The following VAC14 variants were observed in gnomAD, a reference collection of about 807,000 sequenced individuals.
The protein encoded by VAC14 is VAC14 component of PIKFYVE complex.
VAC14 carries 47 observed loss-of-function variants against 85.3 expected under a neutral mutation model. That is an observed-to-expected ratio of 0.55 (90% CI 0.44 to 0.70). VAC14 has a LOEUF of 0.70. Ranked by LOEUF, VAC14 falls within the 30% of genes least tolerant of loss-of-function variation. The pLI is 0.00. For synonymous variants in VAC14, 447 were observed against 430.5 expected (o/e 1.04, Z -0.47); for missense variants, 861 against 1,004.3 (o/e 0.86, Z 1.93).
intron 1 of VAC14, among the ~76,000 whole-genome samples, chr16:70,795,366 C>T (rs528565095): frequency 2.0e-5 from 3 of 151,686 alleles, no homozygotes; most frequent in African/African-American, 7.3e-5. Context: ...TTGTGGTGGG[C>T]GCCTGTAGTC....
intron 12 of VAC14, among the ~76,000 whole-genome samples, chr16:70,755,757 T>C (rs1488648654): frequency 2.0e-5 from 3 of 152,196 alleles, no homozygotes; most frequent in African/African-American, 4.8e-5. Flanking sequence ...GGGGCCGTCA[T>C]TGGCTCTCTA....
At chr16:70,742,338 C>A (rs1218907756) in intron 13 of VAC14, among the ~76,000 whole-genome samples, 9 of 151,942 alleles carry the variant, frequency 5.9e-5, no homozygotes, top group Admixed American at 4.6e-4. Context: ...CCCCACCCGA[C>A]CCTCCCTTCC....
chr16:70,710,783 G>A lies in VAC14; in HGVS notation c.1662-11972C>T, dbSNP rs185963111. On this transcript the variant is annotated intron_variant, in intron 14 of 18. Coordinates refer to ENST00000261776, the MANE Select transcript of VAC14 (RefSeq NM_018052.5). ...CCAACTTGGGTCCAGCAGCCCCAGTGTTCATATGGCCATAGCCCCGTGTCA... is the reference window on the plus strand; with the variant it reads ...CCAACTTGGGTCCAGCAGCCCCAGTATTCATATGGCCATAGCCCCGTGTCA... Among the ~76,000 whole-genome samples, 3 of 152,352 alleles carry A rather than the reference G, an allele frequency of 2.0e-5. No individual in the cohort carries two copies. The East Asian group carries it at 5.8e-4, about 29-fold the overall frequency.
intron 5 of VAC14, among the ~76,000 whole-genome samples, chr16:70,783,876 T>C (rs1387608836): frequency 6.6e-6 from 1 of 152,200 alleles, no homozygotes; most frequent in Non-Finnish European, 1.5e-5. Flanking sequence ...AGGTGTTTTC[T>C]GGGACAAGGA....
chr16:70,719,639 C>T (rs1406302888), intron 14 of VAC14, among the ~76,000 whole-genome samples: 1 of 152,162 alleles, frequency 6.6e-6, no homozygotes, highest in Non-Finnish European at 1.5e-5. Context: ...CTTCATTAGT[C>T]TTTAGGGAAA....
chr16:70,772,289 C>G, intron 9 of VAC14, 117 bp from the exon 10 acceptor site: 3 of 843,904 alleles, frequency 3.6e-6, no homozygotes, highest in Non-Finnish European at 5.8e-6. Flanking sequence ...GATTCAGGCT[C>G]TTCAAAAGGA....
chr16:70,771,964 A>G (rs1161740615), intron 10 of VAC14, 145 bp downstream of exon 10: 8 of 705,016 alleles, frequency 1.1e-5, no homozygotes, highest in East Asian at 2.7e-5. Flanking sequence ...TCCTTCATCA[A>G]TTAACTCTTT....
intron 14 of VAC14, among the ~76,000 whole-genome samples, chr16:70,727,102 C>T (rs1445132375): frequency 6.6e-6 from 1 of 152,208 alleles, no homozygotes; most frequent in Admixed American, 6.5e-5. Flanking sequence ...CTATAGCAGC[C>T]GCTCCAGGTC....
chr16:70,780,289 C>A lies in VAC14; in HGVS notation c.1096+501G>T, dbSNP rs532800191. The stretch of plus-strand genomic sequence containing the variant: ...GAGAATTTTCAAGTACAGAATAAAT[C>A]GAAGCTAGAGCTTTCTTAACCCTCC... On this transcript the variant is annotated intron_variant, in intron 9 of 18. Coordinates refer to ENST00000261776, the MANE Select transcript of VAC14 (RefSeq NM_018052.5). Among the ~76,000 whole-genome samples, 157 of 152,166 alleles carry A rather than the reference C, an allele frequency of 1.0e-3. 1 individual carries two copies. The highest frequency in any genetic ancestry group is 3.6e-3 in the African/African-American group (150 of 41,516).
chr16:70,792,445 G>A (rs2034381053), intron 1 of VAC14, among the ~76,000 whole-genome samples: 1 of 152,192 alleles, frequency 6.6e-6, no homozygotes, highest in African/African-American at 2.4e-5. Context: ...ACCAGAGCAG[G>A]GATCCACTTC....
intron 12 of VAC14, chr16:70,761,024 G>GTGTGTGTGCGC (rs1567577775): frequency 1.0e-5 from 2 of 197,510 alleles, no homozygotes; most frequent in Non-Finnish European, 1.9e-5. Flanking sequence ...TGTGTGCATG[G>GTGTGTGTGCGC]GGGGGCGGGG....
At chr16:70,693,606 G>A (rs750416292) in intron 17 of VAC14, among the ~76,000 whole-genome samples, 5 of 152,198 alleles carry the variant, frequency 3.3e-5, no homozygotes, top group Non-Finnish European at 7.3e-5. Context: ...CCGGGGGGCT[G>A]CCCAGCACTC....
At chr16:70,721,963 C>G (rs2054304829) in intron 14 of VAC14, among the ~76,000 whole-genome samples, 1 of 152,224 alleles carries the variant, frequency 6.6e-6, no homozygotes, top group Non-Finnish European at 1.5e-5. Context: ...GAGGGCACCT[C>G]AGCTCTGGGG....
chr16:70,782,953 A>G, intron 7 of VAC14, 80 bp downstream of exon 7: 1 of 1,285,592 alleles, frequency 7.8e-7, no homozygotes, highest in Non-Finnish European at 1.1e-6. Context: ...TGAAGCTGAG[A>G]TGGTGAAAGG....
chr16:70,792,604 C>T (rs1451651816), intron 1 of VAC14, among the ~76,000 whole-genome samples: 1 of 152,194 alleles, frequency 6.6e-6, no homozygotes, highest in East Asian at 1.9e-4. Flanking sequence ...CCAAGGGGGG[C>T]CAACATCATG....
At chr16:70,743,604 A>G (rs1018631251) in intron 13 of VAC14, among the ~76,000 whole-genome samples, 1 of 152,178 alleles carries the variant, frequency 6.6e-6, no homozygotes, top group Admixed American at 6.5e-5. Context: ...CTCCGGACAC[A>G]CCATCTTTAA....
intron 14 of VAC14, among the ~76,000 whole-genome samples, chr16:70,706,126 C>T (rs1339127442): frequency 6.6e-6 from 1 of 152,214 alleles, no homozygotes; most frequent in Non-Finnish European, 1.5e-5. Context: ...GGGACCCTGC[C>T]TGCAAGCCCA....
intron 18 of VAC14, chr16:70,688,540 A>G (rs2053541879): frequency 1.0e-6 from 1 of 986,314 alleles, no homozygotes; most frequent in African/African-American, 1.7e-5. Flanking sequence ...GAATTGCTGA[A>G]GAGCCTCTGC....
intron 1 of VAC14, among the ~76,000 whole-genome samples, chr16:70,787,420 C>T (rs755071452): frequency 2.0e-5 from 3 of 152,104 alleles, no homozygotes; most frequent in Non-Finnish European, 4.4e-5. Context: ...AGGAGCAGGT[C>T]GGAGGGAGGC....
Sources: gnomAD v4.1 joint callset for allele counts (sites outside exome capture counted in the v4.1 genomes callset) on GRCh38, gnomAD v4.1.1 for gene constraint, MANE v1.5 for transcripts, NCBI Gene and HGNC (gene_info 2026-07-23, HGNC 2026-07-21) for gene names.